The following PAQR5 variants were observed in gnomAD, a reference collection of about 807,000 sequenced individuals.
The protein encoded by PAQR5 is membrane progestin receptor gamma.
Under a neutral mutation model 34.5 loss-of-function variants are expected in PAQR5, and 20 were observed. The observed-to-expected ratio is 0.58, with a 90% CI of 0.41 to 0.84. PAQR5 has a LOEUF of 0.84. PAQR5 is among the 40% of genes least tolerant of loss of function. The pLI, the probability that PAQR5 is intolerant of heterozygous loss-of-function variation, is 0.00. For missense variants in PAQR5, 378 were observed against 412.7 expected (o/e 0.92, Z 0.73); for synonymous variants, 131 against 155.6 (o/e 0.84, Z 1.18).
intron 6 of PAQR5, among the ~76,000 whole-genome samples, chr15:69,393,008 G>T (rs1413358749): frequency 6.6e-6 from 1 of 151,402 alleles, no homozygotes; most frequent in African/African-American, 2.4e-5. Context: ...GAATCTCTTA[G>T]GGAAAAAAAA....
At chr15:69,383,703 G>A (rs2056004042) in intron 4 of PAQR5, among the ~76,000 whole-genome samples, 2 of 95,040 alleles carry the variant, frequency 2.1e-5, no homozygotes, top group South Asian at 4.7e-4. Context: ...GGGCCTCTGT[G>A]CTCATGGTGG....
rs2054131574 is a variant in PAQR5, at chr15:69,322,722, GA to G, written c.-276-14617del. 1.1e-3 allele frequency among the ~76,000 whole-genome samples: 27 copies of G among 24,842 alleles called. 2 individuals are homozygous for G. Among genetic ancestry groups the G allele is most frequent in the African/African-American group, 2.2e-3 (20 of 8,942 alleles). The allele number at this position is 24,842 out of a possible 152,430, so 16.3% of individuals were successfully genotyped here. A position where few individuals can be genotyped will look rare whatever the true frequency, so the allele number is the denominator to read the frequency against. On this transcript the variant is annotated intron_variant, in intron 1 of 8. Transcript: ENST00000395407. The stretch of plus-strand genomic sequence containing the variant: ...AGAAGAAGAAGAAGAAGAAGAAGAA[GA>G]AGAAGAAGAAGAAGAAGAAGAAGAA...
intron 1 of PAQR5, among the ~76,000 whole-genome samples, chr15:69,307,798 T>C (rs1311985927): frequency 2.0e-5 from 3 of 152,150 alleles, no homozygotes; most frequent in Non-Finnish European, 4.4e-5. Flanking sequence ...CCTGTGGCTG[T>C]CGGTGGGGTG....
intron 1 of PAQR5, among the ~76,000 whole-genome samples, chr15:69,311,589 C>G (rs1296116629): frequency 6.6e-6 from 1 of 152,166 alleles, no homozygotes; most frequent in African/African-American, 2.4e-5. Flanking sequence ...CTTAGTCGCC[C>G]AGGCTGAGGT....
At chr15:69,380,210 G>C (rs1451647719) in intron 4 of PAQR5, 200 bp downstream of exon 4, 1 of 565,380 alleles carries the variant, frequency 1.8e-6, no homozygotes, top group East Asian at 3.0e-5. Context: ...TTAAGGCATG[G>C]ACTGGGGTAA....
intron 2 of PAQR5, among the ~76,000 whole-genome samples, chr15:69,337,938 G>A (rs1354740672): frequency 6.6e-6 from 1 of 152,066 alleles, no homozygotes; most frequent in Non-Finnish European, 1.5e-5. Context: ...TTAGCCAGGT[G>A]TAGTGGTGTG....
intron 2 of PAQR5, among the ~76,000 whole-genome samples, chr15:69,354,681 T>G (rs2055009091): frequency 6.6e-6 from 1 of 152,146 alleles, no homozygotes; most frequent in South Asian, 2.1e-4. Context: ...AGGTGTCCAC[T>G]TGACTGGATT....
At chr15:69,302,548 C>T (rs1407211397) in intron 1 of PAQR5, among the ~76,000 whole-genome samples, 1 of 152,166 alleles carries the variant, frequency 6.6e-6, no homozygotes, top group Non-Finnish European at 1.5e-5. Flanking sequence ...GTAGAAGAGT[C>T]ACTGGCAGTG....
At chr15:69,333,720 C>T (rs533672002) in intron 1 of PAQR5, among the ~76,000 whole-genome samples, 39 of 152,270 alleles carry the variant, frequency 2.6e-4, no homozygotes, top group African/African-American at 8.9e-4. Context: ...TTGCCTTCAG[C>T]TGCTTATTTG....
In PAQR5 at chr15:69,391,702, A is replaced by T. The variant is rs56793123; in HGVS notation, c.512+1922A>T. The T allele has an allele frequency of 2.8e-3, 1,257 of 455,918 alleles. 13 individuals carry two copies. The highest frequency in any genetic ancestry group is 0.022 in the African/African-American group (1,109 of 50,104). 28.2% of individuals were successfully genotyped at this position (455,918 alleles called of 1,614,324 possible). On this transcript the variant is annotated intron_variant, in intron 6 of 8. Coordinates refer to ENST00000395407, the MANE Select transcript of PAQR5 (RefSeq NM_017705.4). ...GTTTGAAATTTAGGATTAGACAGGG[A>T]GAGTACCACAGGTTGAGGGGGCAGA...
rs141157446 is a variant in PAQR5 at position 69,310,765 on chromosome 15, G to A, written c.-277+11709G>A. On this transcript the variant is annotated intron_variant, in intron 1 of 8. Coordinates refer to ENST00000395407, the MANE Select transcript of PAQR5 (RefSeq NM_017705.4). ...TAAGAATTATGAGTGTTGGCCAGGC[G>A]CGGTGGCTCATGCCTGTAATCCCAG... Among the ~76,000 whole-genome samples the A allele has an allele frequency of 3.4e-4, 52 of 151,994 alleles. 1 individual carries two copies. In the East Asian group the frequency reaches 6.6e-3, roughly 19 times the overall value.
chr15:69,374,125 A>G (rs1244369930), intron 3 of PAQR5, among the ~76,000 whole-genome samples: 1 of 152,222 alleles, frequency 6.6e-6, no homozygotes, highest in Non-Finnish European at 1.5e-5. Flanking sequence ...TATTTTTAAA[A>G]AACATCACAG....
rs772649119 is a variant in PAQR5 at position 69,400,082 on chromosome 15, G to C, written c.718G>C (p.Glu240Gln). ...TTTCTTGTACTCTGCACATCTGCCAGAACGCCTAGCCCCTGGACGCTTTGA... is the reference window on the plus strand; with the variant it reads ...TTTCTTGTACTCTGCACATCTGCCACAACGCCTAGCCCCTGGACGCTTTGA... ...ASFLYSAHLP[E>Q]RLAPGRFDYI... is the part of the protein sequence containing the mutation. Residue 240 changes from glutamate (E) to glutamine (Q), a missense_variant, in exon 8 of 9, where the codon GAA becomes CAA. By Grantham distance (29) the Glu-to-Gln change is conservative (BLOSUM62 2). Coordinates refer to ENST00000395407, the MANE Select transcript of PAQR5 (RefSeq NM_017705.4). 2.5e-6 allele frequency: 4 copies of C among 1,614,032 alleles called. No homozygotes were observed. In the Admixed American group the frequency reaches 5.0e-5, roughly 20 times the overall value.
At chr15:69,351,497 C>G (rs891722540) in intron 2 of PAQR5, among the ~76,000 whole-genome samples, 1 of 152,256 alleles carries the variant, frequency 6.6e-6, no homozygotes, top group Non-Finnish European at 1.5e-5. Flanking sequence ...CCAACCCTGT[C>G]TATAAAGCCC....
At chr15:69,319,182 T>TAC (rs1356440671) in intron 1 of PAQR5, among the ~76,000 whole-genome samples, 1 of 5,270 alleles carries the variant, frequency 1.9e-4, no homozygotes, top group Non-Finnish European at 3.8e-3. Context: ...TATATATATA[T>TAC]ATATATATAT....
intron 3 of PAQR5, among the ~76,000 whole-genome samples, chr15:69,371,651 A>C (rs2055565397): frequency 6.6e-6 from 1 of 152,180 alleles, no homozygotes; most frequent in Admixed American, 6.5e-5. Flanking sequence ...CACAGTCCAG[A>C]GACATTTTTG....
intron 1 of PAQR5, among the ~76,000 whole-genome samples, chr15:69,311,038 CAAAAAATAAAAAAAAAA>C (rs1308397772): frequency 8.3e-5 from 3 of 36,148 alleles, no homozygotes; most frequent in East Asian, 7.8e-4. Flanking sequence ...GACTCCGTCG[CAAAAAATAAAAAAAAAA>C]AAAAAAAAAA....
chr15:69,382,781 TATATATATATATATATGACC>T (rs1251703647), intron 4 of PAQR5: 48 of 2,148 alleles, frequency 0.022, 3 homozygotes, highest in African/African-American at 0.045. Context: ...TGTGACCATA[TATATATATATATATATGACC>T]ATATATATAT....
chr15:69,338,678 AG>A (rs1271342174), intron 2 of PAQR5, among the ~76,000 whole-genome samples: 1 of 152,176 alleles, frequency 6.6e-6, no homozygotes, highest in Non-Finnish European at 1.5e-5. Context: ...CAAAATCCAA[AG>A]GGAGGGATTG....
Sources: allele counts gnomAD v4.1 joint callset (sites outside exome capture counted in the v4.1 genomes callset), GRCh38; gene constraint gnomAD v4.1.1; transcripts MANE v1.5; gene names NCBI Gene and HGNC (gene_info 2026-07-23, HGNC 2026-07-21).